Variants in TSPAN32 observed in about 807,000 individuals in gnomAD.
The protein encoded by TSPAN32 is tetraspanin 32, also known as tetraspanin-32.
A neutral mutation model predicts 42.7 loss-of-function variants in TSPAN32; 47 were observed. That is an observed-to-expected ratio of 1.10 (90% CI 0.87 to 1.40). The LOEUF (loss-of-function observed/expected upper bound fraction) is 1.40, where lower values mean the gene tolerates loss of function less well. TSPAN32 is among the 40% of genes most tolerant of loss of function. TSPAN32 has a pLI of 0.00. For missense variants in TSPAN32, 469 were observed against 424.1 expected, an observed-to-expected ratio of 1.11 and a Z score of -0.93; for synonymous variants, 175 against 175.9, an observed-to-expected ratio of 0.99 and a Z score of 0.04.
Position 2,317,250 on chromosome 11 carries a change from C to T in TSPAN32, c.720-94C>T. ...TAATCCCCTCCAGAACATTCTGCAA[C>T]AGCCCCATGATCCCCTCTAGAACAT... On this transcript the variant is annotated intron_variant, in intron 8 of 9. Transcript: ENST00000182290. This position sits in a 1 kb window ranked among gnomAD's most constrained non-coding sequence, Gnocchi z 6.2. 3.1e-6 allele frequency: 3 copies of T among 978,182 alleles called. No homozygotes were observed. The highest frequency in any genetic ancestry group is 4.6e-6 in the Non-Finnish European group (3 of 653,074). 60.6% of individuals were successfully genotyped at this position (978,182 alleles called of 1,614,324 possible). A position where few individuals can be genotyped will look rare whatever the true frequency, so the allele number is the denominator to read the frequency against.
chr11:2,307,791 G>A (rs1589802426), intron 3 of TSPAN32, among the ~76,000 whole-genome samples: 1 of 152,182 alleles, frequency 6.6e-6, no homozygotes, highest in East Asian at 1.9e-4. Context: ...ATCAGTGAGA[G>A]AGAGGGGACA....
At position 2,316,645 on chromosome 11, in the gene TSPAN32, G is replaced by T; in HGVS notation, c.697G>T (p.Gly233Cys). The T allele has an allele frequency of 1.3e-6, 2 of 1,540,436 alleles. No homozygotes were observed. The highest frequency in any genetic ancestry group is 1.8e-6 in the Non-Finnish European group (2 of 1,141,282). ...IRCGCSLDRK[G>C]KYTLTPRACG... ...CTGTGGCTGCAGCTTGGACCGCAAG[G>T]GCAAATACACCCTGACCCCACGGTA... Residue 233 changes from glycine (G) to cysteine (C), a missense_variant, in exon 8 of 10, where the codon GGC becomes TGC. Coordinates refer to ENST00000182290, the MANE Select transcript of TSPAN32 (RefSeq NM_139022.3).
At chr11:2,314,399 TG>T (rs1848656875) in intron 5 of TSPAN32, 85 bp from the exon 6 acceptor site, 1 of 1,069,958 alleles carries the variant, frequency 9.3e-7, no homozygotes, top group African/African-American at 1.6e-5. Context: ...CCTGGATACT[TG>T]TGGTGCCTCA....
intron 1 of TSPAN32, 57 bp from the exon 2 acceptor site, chr11:2,302,787 G>A (rs890909864): frequency 2.0e-6 from 3 of 1,477,584 alleles, no homozygotes; most frequent in Non-Finnish European, 2.8e-6. Context: ...CTGGGGCCGA[G>A]CTCCCTGCTC....
Position 2,316,323 on chromosome 11 carries a change from GC to G in TSPAN32, c.627+13del, listed in dbSNP as rs1391573541. On this transcript the variant is annotated intron_variant, in intron 7 of 9. Coordinates refer to ENST00000182290, the MANE Select transcript of TSPAN32 (RefSeq NM_139022.3). Reference sequence around the variant, plus strand: ...GGCCTGGCCCTCACGGTACCCTCTCGCCTCCCTCACTGCCCCTTCCCACCTC... The same window carrying G: ...GGCCTGGCCCTCACGGTACCCTCTCGCTCCCTCACTGCCCCTTCCCACCTC... 3.1e-6 allele frequency: 5 copies of G among 1,588,318 alleles called. No homozygotes were observed. Among genetic ancestry groups the G allele is most frequent in the Non-Finnish European group, 4.3e-6 (5 of 1,171,144 alleles).
intron 3 of TSPAN32, among the ~76,000 whole-genome samples, chr11:2,307,157 T>A (rs1848168908): frequency 6.6e-6 from 1 of 152,230 alleles, no homozygotes; most frequent in South Asian, 2.1e-4. Context: ...GCCCTGTCCC[T>A]GCAGGGCTGG....
chr11:2,305,380 C>A (rs544000715), intron 3 of TSPAN32, among the ~76,000 whole-genome samples: 1 of 151,876 alleles, frequency 6.6e-6, no homozygotes, highest in African/African-American at 2.4e-5. Context: ...GCCCCCCCCC[C>A]CAGAGGGTGT....
intron 6 of TSPAN32, 26 bp from the exon 7 acceptor site, chr11:2,316,203 G>C (rs552404519): frequency 2.0e-6 from 3 of 1,536,998 alleles, no homozygotes; most frequent in Non-Finnish European, 2.6e-6. Flanking sequence ...CTCAGGGCGG[G>C]TACCATGCCT....
intron 5 of TSPAN32, among the ~76,000 whole-genome samples, chr11:2,314,162 T>TAA (rs34185560): frequency 0.015 from 2,083 of 137,658 alleles, 19 homozygotes; most frequent in Middle Eastern, 0.031. Flanking sequence ...GTCTCTACTT[T>TAA]AAAAAAAAAA....
At chr11:2,309,113 C>T (rs1050896020) in intron 4 of TSPAN32, among the ~76,000 whole-genome samples, 4 of 152,052 alleles carry the variant, frequency 2.6e-5, no homozygotes, top group African/African-American at 7.2e-5. Flanking sequence ...TGATGCCCCT[C>T]GGGTTTGAGG....
Position 2,316,635 on chromosome 11 carries a change from G to A in TSPAN32, c.687G>A (p.Leu229=), listed in dbSNP as rs967960838. 1 of 1,542,736 alleles carries A rather than the reference G, an allele frequency of 6.5e-7. No homozygotes were observed. Among genetic ancestry groups the A allele is most frequent in the African/African-American group, 1.4e-5 (1 of 72,996 alleles). The change falls in exon 8 of 10, where the codon TTG becomes TTA. Residue 229 remains leucine (L), a synonymous_variant. Coordinates refer to ENST00000182290, the MANE Select transcript of TSPAN32 (RefSeq NM_139022.3). ...TTGCCATCCGCTGTGGCTGCAGCTT[G>A]GACCGCAAGGGCAAATACACCCTGA... ...LWFAIRCGCS[L]DRKGKYTLTP...
At chr11:2,303,186 C>T (rs1430450393) in intron 2 of TSPAN32, 16 of 553,722 alleles carry the variant, frequency 2.9e-5, no homozygotes, top group Non-Finnish European at 4.9e-5. Flanking sequence ...CCCACAGGAG[C>T]GTGGGCACAG....
intron 3 of TSPAN32, among the ~76,000 whole-genome samples, chr11:2,308,246 C>G (rs952535516): frequency 6.6e-6 from 1 of 152,276 alleles, no homozygotes; most frequent in African/African-American, 2.4e-5. Context: ...CGCCCACGCT[C>G]TCCCCAGGCC....
rs1040770388 is a variant in TSPAN32, at chr11:2,313,254, C to G, written c.355-400C>G. ...AGCTTTCTGGGAGCTGAGGTCCTGG[C>G]ACAGGGTCTCTCAAGCCTTTTCCAC... On this transcript the variant is annotated intron_variant, in intron 4 of 9. Coordinates refer to ENST00000182290, the MANE Select transcript of TSPAN32 (RefSeq NM_139022.3). The surrounding 1 kb of genome is among the most constrained non-coding windows in gnomAD (Gnocchi z 9.1). 1.3e-5 allele frequency among the ~76,000 whole-genome samples: 2 copies of G among 152,200 alleles called. No individual in the cohort carries two copies. The highest frequency in any genetic ancestry group is 2.9e-5 in the Non-Finnish European group (2 of 68,036).
chr11:2,311,915 C>T (rs564826668), intron 4 of TSPAN32, among the ~76,000 whole-genome samples: 2 of 152,376 alleles, frequency 1.3e-5, no homozygotes, highest in Admixed American at 1.3e-4. Flanking sequence ...GCCCGGCCTC[C>T]AGGGCCCTCC....
rs1043730471 is a variant in TSPAN32, at chr11:2,313,305, C to T, written c.355-349C>T. ...CAGGCCCAGCCCCATCCCCCATTTC[C>T]GGGTCAACAGTAGCGTGCTGGAAAC... is the stretch of plus-strand genomic sequence containing the variant. On this transcript the variant is annotated intron_variant, in intron 4 of 9. Transcript: ENST00000182290. The surrounding 1 kb of genome is among the most constrained non-coding windows in gnomAD (Gnocchi z 9.1). 3.9e-5 allele frequency among the ~76,000 whole-genome samples: 6 copies of T among 152,176 alleles called. No individual in the cohort carries two copies. The highest frequency in any genetic ancestry group is 7.2e-5 in the African/African-American group (3 of 41,436).
In TSPAN32 at chr11:2,302,114, G is replaced by A; in HGVS notation, c.-36G>A. 2.0e-5 allele frequency: 29 copies of A among 1,485,940 alleles called. No homozygotes were observed. The highest frequency in any genetic ancestry group is 2.5e-5 in the Non-Finnish European group (28 of 1,119,128). 92.0% of individuals were successfully genotyped at this position (1,485,940 alleles called of 1,614,324 possible). ...GCCCAGCTGGAAACCACAGGGAGGG[G>A]AAGGGAGGGGAGGAGAGGAGAGGAG... On this transcript the variant is annotated 5_prime_UTR_variant, in exon 1 of 10. Coordinates refer to ENST00000182290, the MANE Select transcript of TSPAN32 (RefSeq NM_139022.3).
chr11:2,307,451 G>A (rs1036082735), intron 3 of TSPAN32, among the ~76,000 whole-genome samples: 1 of 152,138 alleles, frequency 6.6e-6, no homozygotes, highest in African/African-American at 2.4e-5. Context: ...CAGGACTCCT[G>A]GGGGAGCTGC....
rs2234300 is a variant in TSPAN32, at chr11:2,313,662, C to T, written c.363C>T (p.Asp121=). 8.3e-5 allele frequency: 133 copies of T among 1,604,418 alleles called. 2 individuals are homozygous for T. The highest frequency in any genetic ancestry group is 7.6e-4 in the African/African-American group (57 of 74,860). ...WRLHSPTQVE[D]AMLDTYDLVY... ...GTGGTCTCTCGGTGCAGGTGGAGGA[C>T]GCCATGCTGGACACCTACGACCTGG... The change falls in exon 5 of 10, where the codon GAC becomes GAT. Residue 121 remains aspartate, a synonymous_variant. Transcript: ENST00000182290. This position sits in a 1 kb window ranked among gnomAD's most constrained non-coding sequence, Gnocchi z 9.1.
Sources: allele counts gnomAD v4.1 joint callset (sites outside exome capture counted in the v4.1 genomes callset), GRCh38; gene constraint gnomAD v4.1.1; non-coding constraint Gnocchi (gnomAD v3.1); transcripts MANE v1.5; gene names NCBI Gene and HGNC (gene_info 2026-07-23, HGNC 2026-07-21).